Variants in FAM107B observed in about 807,000 individuals in gnomAD.
FAM107B encodes the protein protein FAM107B.
A neutral mutation model predicts 31.5 loss-of-function variants in FAM107B; 21 were observed. The ratio of observed to expected loss-of-function variants is 0.67; its 90% CI spans 0.47 to 0.96. FAM107B has a LOEUF of 0.96. Among genes scored for constraint, FAM107B ranks in the 40% least tolerant of loss-of-function variants. The pLI is 0.00. For missense variants in FAM107B, 452 were observed against 377.1 expected, an observed-to-expected ratio of 1.20 and a Z score of -1.64; for synonymous variants, 157 against 141.5, an observed-to-expected ratio of 1.11 and a Z score of -0.78.
intron 1 of FAM107B, among the ~76,000 whole-genome samples, chr10:14,701,186 T>G (rs1440810256): frequency 6.6e-6 from 1 of 152,178 alleles, no homozygotes. Flanking sequence ...AATTTATTTT[T>G]TAAAAGCTTA....
At chr10:14,554,069 C>G (rs1200404497) in intron 2 of FAM107B, 1 of 979,596 alleles carries the variant, frequency 1.0e-6, no homozygotes. Flanking sequence ...ACACATATGT[C>G]ATATATAATT....
At chr10:14,537,664 C>G (rs779930301) in intron 2 of FAM107B, among the ~76,000 whole-genome samples, 2 of 151,916 alleles carry the variant, frequency 1.3e-5, no homozygotes, top group East Asian at 1.9e-4. Context: ...ACGGTGAAAC[C>G]CTGTCTCTAC....
chr10:14,570,273 G>A (rs1426605154), intron 2 of FAM107B, among the ~76,000 whole-genome samples: 1 of 130,802 alleles, frequency 7.6e-6, no homozygotes, highest in East Asian at 2.2e-4. Context: ...TGTGTGTGAT[G>A]TTTATCTAGG....
At chr10:14,532,362 T>C (rs1347283722) in intron 2 of FAM107B, among the ~76,000 whole-genome samples, 1 of 152,314 alleles carries the variant, frequency 6.6e-6, no homozygotes, top group Non-Finnish European at 1.5e-5. Context: ...ACAAAGTTAA[T>C]GTGAAAATAA....
chr10:14,563,596 T>C (rs1240805199), intron 2 of FAM107B, among the ~76,000 whole-genome samples: 1 of 152,186 alleles, frequency 6.6e-6, no homozygotes, highest in Non-Finnish European at 1.5e-5. Context: ...GTAGGAAAGA[T>C]CATTGCTATG....
chr10:14,618,024 T>A (rs1852897961), intron 2 of FAM107B, among the ~76,000 whole-genome samples: 1 of 152,196 alleles, frequency 6.6e-6, no homozygotes, highest in Admixed American at 6.5e-5. Flanking sequence ...TCCACAATTA[T>A]CATAGGGAAT....
At chr10:14,748,175 G>A (rs1301588179) in intron 1 of FAM107B, among the ~76,000 whole-genome samples, 1 of 152,174 alleles carries the variant, frequency 6.6e-6, no homozygotes, top group African/African-American at 2.4e-5. Flanking sequence ...TAAGAAGAAA[G>A]TCATTTCTTC....
chr10:14,723,577 G>A, intron 1 of FAM107B: 1 of 664,144 alleles, frequency 1.5e-6, no homozygotes, highest in Non-Finnish European at 2.8e-6. Context: ...GCATGGAAAG[G>A]CTATGTCCAC....
chr10:14,530,514 G>T lies in FAM107B; in HGVS notation c.471C>A (p.Asp157Glu). The T allele has an allele frequency of 6.2e-7, 1 of 1,610,490 alleles. No homozygotes were observed. The highest frequency in any genetic ancestry group is 8.5e-7 in the Non-Finnish European group (1 of 1,179,260). ...CLELEQKMTS[D>E]SPPEDIDHKD... ...TATGGTCAATATCCTCAGGTGGGCTGTCTGAAAGAGAAAGATGAGAAACAC... is the reference window on the plus strand; with the variant it reads ...TATGGTCAATATCCTCAGGTGGGCTTTCTGAAAGAGAAAGATGAGAAACAC... The change falls in exon 3 of 5, where the codon GAC becomes GAA. Residue 157 changes from aspartate (D) to glutamate (E), a missense_variant and splice_region_variant. Asp to Glu is a conservative substitution (Grantham distance 45). Transcript: ENST00000181796.
intron 1 of FAM107B, among the ~76,000 whole-genome samples, chr10:14,710,306 C>T (rs946532987): frequency 6.6e-6 from 1 of 151,828 alleles, no homozygotes; most frequent in African/African-American, 2.4e-5. Context: ...GAAAAACAGC[C>T]AAGCTGAGGC....
intron 1 of FAM107B, among the ~76,000 whole-genome samples, chr10:14,713,269 G>A (rs74122957): frequency 0.13 from 19,435 of 152,142 alleles, 1,600 homozygotes; most frequent in African/African-American, 0.23. Context: ...AAGCTTTATC[G>A]AGAACGTTCA....
chr10:14,575,208 T>C (rs74971530), intron 2 of FAM107B, among the ~76,000 whole-genome samples: 30,448 of 146,014 alleles, frequency 0.21, 3,357 homozygotes, highest in East Asian at 0.43. Context: ...TTTTTGTTTT[T>C]TTGTTTTTTT....
intron 2 of FAM107B, chr10:14,663,277 C>CA (rs1854297526): frequency 6.6e-6 from 1 of 152,202 alleles, no homozygotes; most frequent in Admixed American, 6.5e-5. Context: ...CTATACTCCT[C>CA]AATAAATTCC....
intron 2 of FAM107B, among the ~76,000 whole-genome samples, chr10:14,664,797 T>C (rs759223410): frequency 6.6e-6 from 1 of 152,226 alleles, no homozygotes; most frequent in Non-Finnish European, 1.5e-5. Flanking sequence ...AAAAGTTTTT[T>C]GAATGAATAT....
chr10:14,772,476 C>A (rs562112096), intron 1 of FAM107B, among the ~76,000 whole-genome samples: 1 of 152,000 alleles, frequency 6.6e-6, no homozygotes, highest in Non-Finnish European at 1.5e-5. Flanking sequence ...GCTTAGCTCT[C>A]GGTGTTTGAA....
chr10:14,542,094 A>T (rs912244229), intron 2 of FAM107B, among the ~76,000 whole-genome samples: 24 of 152,016 alleles, frequency 1.6e-4, no homozygotes, highest in South Asian at 6.2e-4. Flanking sequence ...ATCTCTACTT[A>T]AAAAAATAAT....
intron 1 of FAM107B, among the ~76,000 whole-genome samples, chr10:14,691,421 C>T (rs1168109375): frequency 6.6e-6 from 1 of 152,220 alleles, no homozygotes; most frequent in African/African-American, 2.4e-5. Flanking sequence ...CAAGCTCCCT[C>T]GCCCTGCTGA....
chr10:14,561,099 A>G (rs566982129), intron 2 of FAM107B, among the ~76,000 whole-genome samples: 209 of 152,338 alleles, frequency 1.4e-3, no homozygotes, highest in Non-Finnish European at 2.5e-3. Context: ...AGTAAATGCC[A>G]TCTTGTGTAG....
At position 14,617,170 on chromosome 10, in the gene FAM107B, G is replaced by GT. The variant is rs5783412; in HGVS notation, c.469+50463dup. On this transcript the variant is annotated intron_variant, in intron 2 of 4. Coordinates refer to ENST00000181796, the MANE Select transcript of FAM107B (RefSeq NM_031453.4). ...AATTAACTGACTCGGGATATTTTCA[G>GT]TTTTTTTTGAAGATCATGCCCCGGT... is the stretch of plus-strand genomic sequence containing the variant. Among the ~76,000 whole-genome samples, 1,083 of 152,010 alleles carry GT rather than the reference G, an allele frequency of 7.1e-3. 7 individuals carry two copies. The highest frequency in any genetic ancestry group is 0.025 in the African/African-American group (1,043 of 41,490).
Sources: allele counts gnomAD v4.1 joint callset (sites outside exome capture counted in the v4.1 genomes callset), GRCh38; gene constraint gnomAD v4.1.1; transcripts MANE v1.5; gene names NCBI Gene and HGNC (gene_info 2026-07-23, HGNC 2026-07-21).